Variants in DCAF1 observed in about 807,000 individuals in gnomAD.
DCAF1 encodes DDB1- and CUL4-associated factor 1.
In DCAF1, 15 loss-of-function variants were observed where a neutral mutation model predicts 128.0. The observed-to-expected ratio is 0.12, with a 90% CI of 0.08 to 0.18. DCAF1 has a LOEUF of 0.18. Ranked by LOEUF, DCAF1 falls within the 10% of genes least tolerant of loss-of-function variation. The pLI is 1.00. For missense variants in DCAF1, 988 were observed against 1,649.5 expected (o/e 0.60, Z 6.95); for synonymous variants, 610 against 603.0 (o/e 1.01, Z -0.17).
chr3:51,467,423 C>T (rs1030148450), intron 4 of DCAF1, among the ~76,000 whole-genome samples: 2 of 152,110 alleles, frequency 1.3e-5, no homozygotes, highest in African/African-American at 4.8e-5. Flanking sequence ...AACACCTGTT[C>T]TCACTCATAG....
At chr3:51,491,486 A>G (rs1274807377) in intron 2 of DCAF1, among the ~76,000 whole-genome samples, 1 of 152,214 alleles carries the variant, frequency 6.6e-6, no homozygotes, top group Non-Finnish European at 1.5e-5. Context: ...TCCAGCAATA[A>G]GCACTCACAT....
At chr3:51,401,719 T>C (rs1306066588) in intron 24 of DCAF1, among the ~76,000 whole-genome samples, 1 of 152,256 alleles carries the variant, frequency 6.6e-6, no homozygotes, top group Non-Finnish European at 1.5e-5. Flanking sequence ...CTCTCTTATT[T>C]TGGGAGCACC....
chr3:51,466,044 C>CA (rs797029914), intron 5 of DCAF1, among the ~76,000 whole-genome samples: 1 of 151,712 alleles, frequency 6.6e-6, no homozygotes, highest in Non-Finnish European at 1.5e-5. Context: ...ACTAAACATA[C>CA]AAAAAAATAA....
chr3:51,502,193 C>A (rs781783111), upstream of DCAF1, among the ~76,000 whole-genome samples: 34 of 152,148 alleles, frequency 2.2e-4, no homozygotes, highest in African/African-American at 6.8e-4. Context: ...GCTTAGCTCA[C>A]GCGCTCCTGG....
chr3:51,419,682 A>T, intron 15 of DCAF1, 52 bp downstream of exon 15: 1 of 1,538,752 alleles, frequency 6.5e-7, no homozygotes, highest in Non-Finnish European at 8.7e-7. Context: ...AGTTTGATTT[A>T]AATAAAAGAA....
rs782146935 is a variant in DCAF1, at chr3:51,441,490, C to T, written c.921G>A (p.Met307Ile). 1 of 1,613,998 alleles carries T rather than the reference C, an allele frequency of 6.2e-7. No individual in the cohort carries two copies. The highest frequency in any genetic ancestry group is 8.5e-7 in the Non-Finnish European group (1 of 1,179,896). Reference protein sequence around the residue: ...VELSNSSWSEMSPWVIGTNYT... With the variant: ...VELSNSSWSEISPWVIGTNYT... ...AATTGGTGCCAATCACCCAGGGAGA[C>T]ATTTCTGACCAACTGCTATTAGACA... The change falls in exon 8 of 25, where the codon ATG becomes ATA. Residue 307 changes from methionine to isoleucine, a missense_variant. Met to Ile is a conservative substitution (Grantham distance 10). Transcript: ENST00000684031.
At chr3:51,502,698 A>G (rs1196977348), upstream of DCAF1, among the ~76,000 whole-genome samples, 1 of 151,924 alleles carries the variant, frequency 6.6e-6, no homozygotes, top group Non-Finnish European at 1.5e-5. Context: ...GGAGACAAAC[A>G]AGGCCTCTCC....
chr3:51,499,206 C>G (rs1416033833), intron 1 of DCAF1, among the ~76,000 whole-genome samples: 5 of 152,254 alleles, frequency 3.3e-5, no homozygotes, highest in African/African-American at 1.2e-4. Context: ...TTGAAAACTA[C>G]TATAACCCCC....
chr3:51,500,126 A>AGG (rs1559596436), upstream of DCAF1: 5 of 121,746 alleles, frequency 4.1e-5, no homozygotes, highest in African/African-American at 1.2e-4. Context: ...GAAAAAAAAA[A>AGG]AAAAAAAAAA....
rs142407901 is a variant in DCAF1 at position 51,493,370 on chromosome 3, A to G, written c.-9+3364T>C. On this transcript the variant is annotated intron_variant, in intron 2 of 24. Transcript: ENST00000684031. The stretch of plus-strand genomic sequence containing the variant: ...TGAGGCAGGAGAACCGCTTGAACTC[A>G]GAAGGCAGAGGTTGAAGTGAGCCAA... Among the ~76,000 whole-genome samples the G allele has an allele frequency of 2.6e-3, 402 of 152,176 alleles. 3 individuals are homozygous for G. The highest frequency in any genetic ancestry group is 9.3e-3 in the African/African-American group (386 of 41,532).
intron 13 of DCAF1, among the ~76,000 whole-genome samples, chr3:51,425,269 G>A (rs980227461): frequency 6.6e-6 from 1 of 152,004 alleles, no homozygotes; most frequent in Non-Finnish European, 1.5e-5. Context: ...CCAGGAGTTC[G>A]AGACCAGCCT....
At chr3:51,408,141 A>G (rs1698070809) in intron 23 of DCAF1, among the ~76,000 whole-genome samples, 1 of 152,190 alleles carries the variant, frequency 6.6e-6, no homozygotes, top group Non-Finnish European at 1.5e-5. Flanking sequence ...GGTGTCCAAT[A>G]CATTGTTTAG....
chr3:51,473,425 C>CT (rs782196520), intron 3 of DCAF1, among the ~76,000 whole-genome samples: 2,804 of 74,128 alleles, frequency 0.038, 102 homozygotes, highest in Non-Finnish European at 0.057. Flanking sequence ...ACTTTCTAGT[C>CT]TTTTTTTTTT....
Position 51,414,758 on chromosome 3 carries a change from C to G in DCAF1, c.3703G>C (p.Asp1235His). The change falls in exon 19 of 25, where the codon GAT becomes CAT. Residue 1235 changes from aspartate (D) to histidine (H), a missense_variant. Around this residue, in one of 11 missense-constraint regions of DCAF1, gnomAD observed 61 missense variants for 78.3 expected, o/e 0.78. Coordinates refer to ENST00000684031, the MANE Select transcript of DCAF1 (RefSeq NM_001387579.1). ...AGGACGCCATCATTTAAGACAAGAT[C>G]ATCTGTAGGATTAAAGGTGGCACAG... ...RNCATFNPTD[D>H]LVLNDGVLWD... The G allele has an allele frequency of 1.9e-6, 3 of 1,613,992 alleles. No individual in the cohort carries two copies. The highest frequency in any genetic ancestry group is 2.5e-6 in the Non-Finnish European group (3 of 1,179,908).
chr3:51,430,986 C>T (rs934393456), intron 10 of DCAF1, among the ~76,000 whole-genome samples: 1 of 152,104 alleles, frequency 6.6e-6, no homozygotes, highest in Non-Finnish European at 1.5e-5. Flanking sequence ...TAACCCACAG[C>T]CTGGGCAAAA....
At chr3:51,430,690 T>G (rs1361828229) in intron 10 of DCAF1, among the ~76,000 whole-genome samples, 1 of 152,208 alleles carries the variant, frequency 6.6e-6, no homozygotes, top group Non-Finnish European at 1.5e-5. Flanking sequence ...TCCTTGATAT[T>G]TTTTTCTCTA....
rs568184324 is a variant in DCAF1 at position 51,475,810 on chromosome 3, G to A, written c.111-4805C>T. On this transcript the variant is annotated intron_variant, in intron 3 of 24. Transcript: ENST00000684031. ...CAGGAGGCGGAGCTTGCAGTGAGCCGAGATTGCGCCATCGCACTCCAGCCT... is the reference window on the plus strand; with the variant it reads ...CAGGAGGCGGAGCTTGCAGTGAGCCAAGATTGCGCCATCGCACTCCAGCCT... Among the ~76,000 whole-genome samples, 47 of 151,946 alleles carry A rather than the reference G, an allele frequency of 3.1e-4. No homozygotes were observed. The East Asian group carries it at 4.9e-3, about 16-fold the overall frequency.
intron 13 of DCAF1, among the ~76,000 whole-genome samples, chr3:51,424,456 G>T (rs1019223063): frequency 2.0e-4 from 30 of 151,642 alleles, no homozygotes; most frequent in African/African-American, 6.5e-4. Flanking sequence ...ATATATTGCT[G>T]GTGGGGGATG....
chr3:51,419,133 G>A (rs1009646184), intron 15 of DCAF1, among the ~76,000 whole-genome samples: 2 of 152,122 alleles, frequency 1.3e-5, no homozygotes, highest in South Asian at 4.1e-4. Context: ...GGCCGAAGGG[G>A]GGGTATCAAT....
Sources: gnomAD v4.1 joint callset for allele counts (sites outside exome capture counted in the v4.1 genomes callset) on GRCh38, gnomAD v4.1.1 for gene constraint, gnomAD v4.1.1 regional missense constraint, MANE v1.5 for transcripts, NCBI Gene and HGNC (gene_info 2026-07-23, HGNC 2026-07-21) for gene names.